Variants in DNAAF4 observed in about 807,000 individuals in gnomAD.
DNAAF4 encodes dynein assembly factor 4, axonemal.
A neutral mutation model predicts 51.8 loss-of-function variants in DNAAF4; 43 were observed. That is an observed-to-expected ratio of 0.83 (90% CI 0.65 to 1.07). The LOEUF (loss-of-function observed/expected upper bound fraction) is 1.07. Among genes scored for constraint, DNAAF4 ranks in the 50% least tolerant of loss-of-function variants. The pLI is 0.00. For synonymous variants in DNAAF4, 194 were observed against 165.6 expected (o/e 1.17, Z -1.32); for missense variants, 581 against 493.0 (o/e 1.18, Z -1.69).
intron 6 of DNAAF4, among the ~76,000 whole-genome samples, 193 bp from the exon 7 acceptor site, chr15:55,439,774 T>C (rs2057677538): frequency 6.6e-6 from 1 of 152,134 alleles, no homozygotes; most frequent in African/African-American, 2.4e-5. Flanking sequence ...TATTTGGTAG[T>C]GGGGCCTCTG....
intron 6 of DNAAF4, among the ~76,000 whole-genome samples, chr15:55,445,665 C>T (rs1280177330): frequency 1.3e-5 from 2 of 150,294 alleles, no homozygotes; most frequent in Non-Finnish European, 3.0e-5. Context: ...GACGGGGTGG[C>T]CAGGCAGAGG....
rs575306479 is a variant in DNAAF4 at position 55,430,740 on chromosome 15, G to A, written c.1193C>T (p.Ser398Phe). The A allele has an allele frequency of 1.9e-6, 3 of 1,613,306 alleles. No homozygotes were observed. The highest frequency in any genetic ancestry group is 1.7e-5 in the Admixed American group (1 of 59,992). The change falls in exon 10 of 10, where the codon TCC (serine) becomes TTC (phenylalanine). Residue 398 changes from serine to phenylalanine, a missense_variant. Transcript: ENST00000321149. ...DYEAALKIDP[S>F]NKIVQIDAEK... ...AGCATCAATTTGTACAATTTTGTTG[G>A]ATGGATCAATCTTAAGTGCCGCTTC... is the stretch of plus-strand genomic sequence containing the variant.
chr15:55,495,427 C>A (rs891200267), intron 3 of DNAAF4, among the ~76,000 whole-genome samples: 6 of 152,058 alleles, frequency 3.9e-5, no homozygotes, highest in African/African-American at 1.4e-4. Flanking sequence ...GGCTTAATGC[C>A]AAAGGCTTAA....
At chr15:55,445,574 C>T (rs2057786236) in intron 6 of DNAAF4, among the ~76,000 whole-genome samples, 2 of 152,138 alleles carry the variant, frequency 1.3e-5, no homozygotes, top group Admixed American at 1.3e-4. Context: ...GTTGGGTACA[C>T]CTCCCAGATG....
At chr15:55,495,963 A>C (rs1201212519) in intron 3 of DNAAF4, among the ~76,000 whole-genome samples, 2 of 152,206 alleles carry the variant, frequency 1.3e-5, no homozygotes, top group East Asian at 3.9e-4. Flanking sequence ...GCGGTGGCTC[A>C]TGGCTGTAAT....
At chr15:55,488,595 G>T (rs1460869274) in intron 4 of DNAAF4, among the ~76,000 whole-genome samples, 1 of 152,046 alleles carries the variant, frequency 6.6e-6, no homozygotes, top group Non-Finnish European at 1.5e-5. Context: ...CTTGATAATG[G>T]CTATAATAAG....
At chr15:55,439,604 T>G (rs751495514) in intron 6 of DNAAF4, 23 bp from the exon 7 acceptor site, 3 of 1,594,310 alleles carry the variant, frequency 1.9e-6, no homozygotes, top group Admixed American at 3.5e-5. Context: ...AGAAGTCTTA[T>G]GAAGAATAAA....
chr15:55,457,394 G>A (rs970042824), intron 5 of DNAAF4, among the ~76,000 whole-genome samples: 4 of 152,066 alleles, frequency 2.6e-5, no homozygotes, highest in African/African-American at 9.7e-5. Context: ...TGTGGCCACA[G>A]CAAGCCCCAC....
intron 5 of DNAAF4, among the ~76,000 whole-genome samples, chr15:55,461,650 A>C (rs1434362251): frequency 6.6e-6 from 1 of 152,206 alleles, no homozygotes; most frequent in African/African-American, 2.4e-5. Flanking sequence ...TGCTAAGAGG[A>C]AAGTTCATAG....
At chr15:55,480,664 G>T (rs2058396677) in intron 4 of DNAAF4, among the ~76,000 whole-genome samples, 1 of 152,014 alleles carries the variant, frequency 6.6e-6, no homozygotes, top group Non-Finnish European at 1.5e-5. Flanking sequence ...TTCAGGTAGG[G>T]TTACGAATAA....
chr15:55,434,022 A>T (rs2057567590), intron 8 of DNAAF4, among the ~76,000 whole-genome samples: 1 of 93,890 alleles, frequency 1.1e-5, no homozygotes. Context: ...ATATATTCTT[A>T]TATATAATAT....
chr15:55,471,007 C>A (rs943417460), intron 4 of DNAAF4, among the ~76,000 whole-genome samples: 1 of 151,390 alleles, frequency 6.6e-6, no homozygotes, highest in African/African-American at 2.4e-5. Context: ...GCCCGCAGCA[C>A]CACGAATGGC....
chr15:55,471,034 G>A (rs997444624), intron 4 of DNAAF4, among the ~76,000 whole-genome samples: 1 of 148,592 alleles, frequency 6.7e-6, no homozygotes, highest in Non-Finnish European at 1.5e-5. Context: ...TGTTGTTGTT[G>A]TTTTTAGAGT....
At chr15:55,448,644 T>C (rs2057880619) in intron 6 of DNAAF4, among the ~76,000 whole-genome samples, 1 of 149,104 alleles carries the variant, frequency 6.7e-6, no homozygotes, top group Non-Finnish European at 1.5e-5. Context: ...CCGAGGTGGG[T>C]GGATCACAAG....
chr15:55,475,121 T>G (rs1161505955), intron 4 of DNAAF4, among the ~76,000 whole-genome samples: 1 of 152,242 alleles, frequency 6.6e-6, no homozygotes, highest in Non-Finnish European at 1.5e-5. Context: ...TATAAGTATG[T>G]TGATGCGCTG....
chr15:55,454,421 AG>A (rs1217893757), intron 5 of DNAAF4, among the ~76,000 whole-genome samples: 4 of 151,876 alleles, frequency 2.6e-5, no homozygotes, highest in Non-Finnish European at 5.9e-5. Flanking sequence ...TCTGTTACCC[AG>A]GCTAGAGTGC....
intron 5 of DNAAF4, among the ~76,000 whole-genome samples, chr15:55,456,203 C>CT (rs2058018254): frequency 6.6e-6 from 1 of 151,884 alleles, no homozygotes; most frequent in South Asian, 2.1e-4. Context: ...GCCTCAGTGC[C>CT]TCCCGAGTAG....
chr15:55,453,966 G>A (rs1233827929), intron 5 of DNAAF4, among the ~76,000 whole-genome samples: 1 of 152,112 alleles, frequency 6.6e-6, no homozygotes, highest in African/African-American at 2.4e-5. Flanking sequence ...AGATAGATCT[G>A]AGGATATTAT....
intron 4 of DNAAF4, among the ~76,000 whole-genome samples, chr15:55,484,834 C>G (rs1002929372): frequency 1.1e-4 from 16 of 152,124 alleles, no homozygotes; most frequent in Admixed American, 3.9e-4. Flanking sequence ...GGAGGCTAGG[C>G]CAGTCTCGTC....
Sources: allele counts gnomAD v4.1 joint callset (sites outside exome capture counted in the v4.1 genomes callset), GRCh38; gene constraint gnomAD v4.1.1; transcripts MANE v1.5; gene names NCBI Gene and HGNC (gene_info 2026-07-23, HGNC 2026-07-21).